CLMP: variants seen among roughly 807,000 people sequenced by gnomAD.
CLMP encodes the protein CXADR-like membrane protein.
Under a neutral mutation model 45.2 loss-of-function variants are expected in CLMP, and 27 were observed. The ratio of observed to expected loss-of-function variants is 0.60; its 90% CI spans 0.44 to 0.82. CLMP has a LOEUF of 0.82. Ranked by LOEUF, CLMP falls within the 40% of genes least tolerant of loss-of-function variation. The pLI, the probability that CLMP is intolerant of heterozygous loss-of-function variation, is 0.00. For synonymous variants in CLMP, 167 were observed against 171.4 expected (o/e 0.97, Z 0.20); for missense variants, 403 against 448.4 (o/e 0.90, Z 0.91).
intron 1 of CLMP, among the ~76,000 whole-genome samples, chr11:123,193,496 C>A (rs1005663151): frequency 2.6e-5 from 4 of 152,202 alleles, no homozygotes; most frequent in Admixed American, 1.3e-4. Context: ...TGCACAGGAA[C>A]AGTATTGCAG....
chr11:123,162,725 G>A (rs1861503030), intron 1 of CLMP, among the ~76,000 whole-genome samples: 2 of 151,342 alleles, frequency 1.3e-5, no homozygotes, highest in African/African-American at 2.4e-5. Flanking sequence ...ACGAAACATT[G>A]TCTCTAAAAA....
intron 1 of CLMP, among the ~76,000 whole-genome samples, chr11:123,152,723 G>C (rs1189671946): frequency 2.7e-5 from 4 of 149,218 alleles, no homozygotes; most frequent in Non-Finnish European, 4.5e-5. Context: ...ACCCCCAGGG[G>C]AAAAAATACA....
At chr11:123,086,929 C>T (rs1293892720) in intron 2 of CLMP, among the ~76,000 whole-genome samples, 1 of 152,148 alleles carries the variant, frequency 6.6e-6, no homozygotes, top group Admixed American at 6.6e-5. Flanking sequence ...TGCGGTGGCT[C>T]ACAACTGTAA....
intron 1 of CLMP, among the ~76,000 whole-genome samples, chr11:123,103,520 T>C (rs1461909951): frequency 1.3e-5 from 2 of 152,038 alleles, no homozygotes; most frequent in East Asian, 3.9e-4. Context: ...ATATCCAGAA[T>C]TAAATACAGC....
At chr11:123,182,349 G>T (rs1273135948) in intron 1 of CLMP, among the ~76,000 whole-genome samples, 1 of 152,216 alleles carries the variant, frequency 6.6e-6, no homozygotes, top group African/African-American at 2.4e-5. Context: ...TCACCACAGG[G>T]TAGGACAGGC....
chr11:123,132,848 C>A (rs987990651), intron 1 of CLMP, among the ~76,000 whole-genome samples: 4 of 151,692 alleles, frequency 2.6e-5, no homozygotes, highest in Admixed American at 6.6e-5. Context: ...GGTGTGATCT[C>A]CGCTCACTGC....
chr11:123,182,785 A>G (rs1861786408), intron 1 of CLMP, among the ~76,000 whole-genome samples: 1 of 152,102 alleles, frequency 6.6e-6, no homozygotes, highest in South Asian at 2.1e-4. Context: ...CATCATTTCA[A>G]AGACGCAAGA....
chr11:123,111,635 T>G (rs1448098913), intron 1 of CLMP, among the ~76,000 whole-genome samples: 1 of 152,194 alleles, frequency 6.6e-6, no homozygotes, highest in Non-Finnish European at 1.5e-5. Context: ...GTAGTTATTC[T>G]TAGTAACAAG....
At chr11:123,076,991 C>CTTTTTTTTTTT (rs869224079) in intron 5 of CLMP, among the ~76,000 whole-genome samples, 3 of 99,674 alleles carry the variant, frequency 3.0e-5, no homozygotes, top group East Asian at 3.2e-4. Flanking sequence ...GCTATTTATT[C>CTTTTTTTTTTT]TTTTTTTTTT....
chr11:123,101,686 C>T (rs1257003967), intron 1 of CLMP, among the ~76,000 whole-genome samples: 1 of 152,230 alleles, frequency 6.6e-6, no homozygotes. Flanking sequence ...TGGATCTTCC[C>T]TTTCCCTTAA....
intron 1 of CLMP, among the ~76,000 whole-genome samples, chr11:123,115,916 G>T (rs1052719895): frequency 3.9e-5 from 6 of 152,066 alleles, no homozygotes; most frequent in African/African-American, 9.7e-5. Flanking sequence ...TCTGACTCAG[G>T]GTCTCTCATG....
At chr11:123,119,237 C>G (rs1860778545) in intron 1 of CLMP, among the ~76,000 whole-genome samples, 1 of 151,862 alleles carries the variant, frequency 6.6e-6, no homozygotes, top group Admixed American at 6.6e-5. Flanking sequence ...GCACGCGCCA[C>G]CACACCCAGC....
At chr11:123,141,910 T>C (rs1034884117) in intron 1 of CLMP, among the ~76,000 whole-genome samples, 3 of 151,662 alleles carry the variant, frequency 2.0e-5, no homozygotes, top group Admixed American at 6.6e-5. Context: ...CTCTCCACTG[T>C]GGCCCCAGCA....
chr11:123,180,277 G>C (rs1018550321), intron 1 of CLMP, among the ~76,000 whole-genome samples: 1 of 152,244 alleles, frequency 6.6e-6, no homozygotes, highest in Non-Finnish European at 1.5e-5. Flanking sequence ...TCGGTCTAAT[G>C]TGTGTGTTTC....
At chr11:123,139,808 A>G (rs138886171) in intron 1 of CLMP, among the ~76,000 whole-genome samples, 4,058 of 152,114 alleles carry the variant, frequency 0.027, 155 homozygotes, top group African/African-American at 0.09. Context: ...AGAGCGAGAC[A>G]CCGTCTCGAA....
At chr11:123,166,721 AG>A (rs1160835085) in intron 1 of CLMP, among the ~76,000 whole-genome samples, 6 of 152,206 alleles carry the variant, frequency 3.9e-5, no homozygotes, top group African/African-American at 1.4e-4. Context: ...GTTGCACGGC[AG>A]GGTGACTATG....
chr11:123,118,107 T>C (rs11820867), intron 1 of CLMP, among the ~76,000 whole-genome samples: 31,314 of 152,124 alleles, frequency 0.21, 3,330 homozygotes, highest in Admixed American at 0.28. Context: ...AACCAGTGTA[T>C]AGGTTCGCAA....
At chr11:123,112,633 C>T (rs761088023) in intron 1 of CLMP, among the ~76,000 whole-genome samples, 8 of 152,056 alleles carry the variant, frequency 5.3e-5, no homozygotes, top group Non-Finnish European at 1.0e-4. Context: ...CCGCTGTGCT[C>T]GGCCATCTGC....
intron 5 of CLMP, among the ~76,000 whole-genome samples, chr11:123,079,187 T>C (rs1352023983): frequency 6.6e-6 from 1 of 152,192 alleles, no homozygotes; most frequent in Non-Finnish European, 1.5e-5. Context: ...CTTTAATATA[T>C]TTACCCCTCA....
Sources: allele counts gnomAD v4.1 joint callset (sites outside exome capture counted in the v4.1 genomes callset), GRCh38; gene constraint gnomAD v4.1.1; transcripts MANE v1.5; gene names NCBI Gene and HGNC (gene_info 2026-07-23, HGNC 2026-07-21).